Variants in NCMAP observed in about 807,000 individuals in gnomAD.
The protein encoded by NCMAP is noncompact myelin-associated protein.
Under a neutral mutation model 7.8 loss-of-function variants are expected in NCMAP, and 8 were observed. The ratio of observed to expected loss-of-function variants is 1.02; its 90% CI spans 0.60 to 1.84. NCMAP has a LOEUF of 1.84. Among genes scored for constraint, NCMAP ranks in the 40% most tolerant of loss-of-function variants. NCMAP has a pLI of 0.00. For synonymous variants in NCMAP, 41 were observed against 52.9 expected (o/e 0.78, Z 0.98); for missense variants, 112 against 131.4 (o/e 0.85, Z 0.72).
rs1382088755 is a variant in NCMAP at position 24,606,894 on chromosome 1, A to G, written c.*1147A>G. 1 of 152,210 alleles carries G rather than the reference A, an allele frequency of 6.6e-6. No individual in the cohort carries two copies. The highest frequency in any genetic ancestry group is 2.4e-5 in the African/African-American group (1 of 41,452). The allele number at this position is 152,210 out of a possible 1,614,324, so 9.4% of individuals were successfully genotyped here. The stretch of plus-strand genomic sequence containing the variant: ...ACACCTGCCTCATTGGGGCACTATA[A>G]CAAGTGAAGGACTTAGGAAAACATC... On this transcript the variant is annotated 3_prime_UTR_variant, in exon 4 of 4. Transcript: ENST00000374392.
chr1:24,605,764 A>C lies in NCMAP; in HGVS notation c.*17A>C, dbSNP rs1652704732. ...ACGCGATGACCTCTACCCTGGCGCT[A>C]TCTCCACCACTGTCCAAAGAGCCTC... On this transcript the variant is annotated 3_prime_UTR_variant, in exon 4 of 4. Transcript: ENST00000374392. 6.2e-7 allele frequency: 1 copy of C among 1,613,758 alleles called. No individual in the cohort carries two copies. The highest frequency in any genetic ancestry group is 8.5e-7 in the Non-Finnish European group (1 of 1,179,874).
rs542400615 is a variant in NCMAP at position 24,582,223 on chromosome 1, G to A, written c.-7-13201G>A. On this transcript the variant is annotated intron_variant, in intron 1 of 3. Coordinates refer to ENST00000374392, the MANE Select transcript of NCMAP (RefSeq NM_001010980.5). ...CGTGGTGCTTGGCCTGTGTGTCTGCGTGTAAAGGCAGTGTAGATGAAGCAG... is the reference window on the plus strand; with the variant it reads ...CGTGGTGCTTGGCCTGTGTGTCTGCATGTAAAGGCAGTGTAGATGAAGCAG... Among the ~76,000 whole-genome samples the A allele has an allele frequency of 5.3e-5, 8 of 152,272 alleles. No individual in the cohort carries two copies. The East Asian group carries it at 9.7e-4, about 18-fold the overall frequency.
intron 1 of NCMAP, among the ~76,000 whole-genome samples, chr1:24,568,954 A>G (rs995064937): frequency 3.3e-5 from 5 of 151,966 alleles, no homozygotes; most frequent in Admixed American, 1.3e-4. Context: ...AGCCCAGAGC[A>G]TGCTAGTTTC....
chr1:24,602,645 T>C (rs1420055388), intron 3 of NCMAP, among the ~76,000 whole-genome samples: 1 of 150,808 alleles, frequency 6.6e-6, no homozygotes, highest in East Asian at 1.9e-4. Flanking sequence ...GCTCTGCCTG[T>C]AACCCCAGCT....
intron 1 of NCMAP, among the ~76,000 whole-genome samples, chr1:24,561,475 A>C (rs9424385): frequency 0.74 from 112,411 of 151,916 alleles, 41,833 homozygotes; most frequent in Admixed American, 0.81. Flanking sequence ...TTTTTGTGGG[A>C]CCCTAAAAGT....
intron 2 of NCMAP, among the ~76,000 whole-genome samples, chr1:24,596,892 C>T (rs1294728712): frequency 2.6e-5 from 4 of 152,100 alleles, no homozygotes; most frequent in Non-Finnish European, 5.9e-5. Flanking sequence ...TAAGGAGACG[C>T]TTGGGTGTGT....
intron 1 of NCMAP, among the ~76,000 whole-genome samples, chr1:24,591,698 G>A (rs1164191790): frequency 2.6e-5 from 4 of 152,154 alleles, no homozygotes; most frequent in African/African-American, 9.7e-5. Flanking sequence ...GGGGAGGTCA[G>A]GCAGAGCCAC....
chr1:24,605,837 GCTT>G lies in NCMAP; in HGVS notation c.*96_*98del. ...ACACTCTCTGGCAGCTTCACAATGA[GCTT>G]CTTCTGGTCAGGTCGACAGAGACAT... On this transcript the variant is annotated 3_prime_UTR_variant, in exon 4 of 4. Coordinates refer to ENST00000374392, the MANE Select transcript of NCMAP (RefSeq NM_001010980.5). 6.8e-7 allele frequency: 1 copy of G among 1,479,650 alleles called. No individual in the cohort carries two copies. The highest frequency in any genetic ancestry group is 9.3e-7 in the Non-Finnish European group (1 of 1,076,990). The allele number at this position is 1,479,650 out of a possible 1,614,324, so 91.7% of individuals were successfully genotyped here.
In NCMAP at chr1:24,599,234, C is replaced by T. The variant is rs1470259277; in HGVS notation, c.83-1706C>T. ...GGCAGAGGATGCAGTGAGCTGAGAT[C>T]GTGCCACTGCACTCCAGCCTGGGCA... On this transcript the variant is annotated intron_variant, in intron 2 of 3. Coordinates refer to ENST00000374392, the MANE Select transcript of NCMAP (RefSeq NM_001010980.5). Among the ~76,000 whole-genome samples, 7 of 144,302 alleles carry T rather than the reference C, an allele frequency of 4.9e-5. No homozygotes were observed. In the East Asian group the frequency reaches 6.5e-4, roughly 13 times the overall value. 94.7% of individuals were successfully genotyped at this position (144,302 alleles called of 152,430 possible). A position where few individuals can be genotyped will look rare whatever the true frequency, so the allele number is the denominator to read the frequency against.
At chr1:24,574,781 A>G (rs1651495996) in intron 1 of NCMAP, among the ~76,000 whole-genome samples, 1 of 150,666 alleles carries the variant, frequency 6.6e-6, no homozygotes, top group African/African-American at 2.4e-5. Flanking sequence ...CACAGTAGAC[A>G]AGGCCCGCAA....
At chr1:24,596,294 A>G (rs566201467) in intron 2 of NCMAP, among the ~76,000 whole-genome samples, 1 of 152,090 alleles carries the variant, frequency 6.6e-6, no homozygotes, top group African/African-American at 2.4e-5. Context: ...TATTACTACT[A>G]CTACGATTGC....
At chr1:24,557,975 A>G (rs1192778521) in intron 1 of NCMAP, among the ~76,000 whole-genome samples, 3 of 152,192 alleles carry the variant, frequency 2.0e-5, no homozygotes, top group Non-Finnish European at 2.9e-5. Context: ...GACTATGGCC[A>G]TTCCTGCCTG....
intron 1 of NCMAP, among the ~76,000 whole-genome samples, chr1:24,557,461 G>A (rs1314692090): frequency 6.6e-6 from 1 of 152,152 alleles, no homozygotes; most frequent in Non-Finnish European, 1.5e-5. Context: ...GTGCGTGTGT[G>A]TGCGTGTGTG....
intron 1 of NCMAP, among the ~76,000 whole-genome samples, chr1:24,580,860 A>C (rs556436701): frequency 2.0e-5 from 3 of 152,254 alleles, no homozygotes; most frequent in African/African-American, 7.2e-5. Context: ...ATCAGCTTTA[A>C]TTGGTTTCCT....
At chr1:24,558,432 G>A (rs574936216) in intron 1 of NCMAP, among the ~76,000 whole-genome samples, 1 of 152,172 alleles carries the variant, frequency 6.6e-6, no homozygotes, top group African/African-American at 2.4e-5. Flanking sequence ...CACTGACCAT[G>A]AGCTTCTTGT....
intron 2 of NCMAP, among the ~76,000 whole-genome samples, chr1:24,599,534 T>C (rs377418494): frequency 4.2e-4 from 64 of 152,178 alleles, no homozygotes; most frequent in African/African-American, 1.4e-3. Flanking sequence ...AACAGAAAGA[T>C]GATTATGATA....
intron 1 of NCMAP, among the ~76,000 whole-genome samples, chr1:24,578,842 C>T (rs149641879): frequency 3.1e-4 from 47 of 152,274 alleles, no homozygotes; most frequent in African/African-American, 1.0e-3. Context: ...GCTGGGATTA[C>T]AGACAAGAGC....
rs1652525299 is a variant in NCMAP, at chr1:24,602,254, G to A, written c.167+1230G>A. On this transcript the variant is annotated intron_variant, in intron 3 of 3. Coordinates refer to ENST00000374392, the MANE Select transcript of NCMAP (RefSeq NM_001010980.5). Reference sequence around the variant, plus strand: ...TGATGGCATTGTTAGTTTTTGCTGGGAGGGGGATGTTCCTAATTTTTGAGG... The same window carrying A: ...TGATGGCATTGTTAGTTTTTGCTGGAAGGGGGATGTTCCTAATTTTTGAGG... Among the ~76,000 whole-genome samples the A allele has an allele frequency of 2.0e-5, 3 of 152,260 alleles. No individual in the cohort carries two copies. In the South Asian group the frequency reaches 6.2e-4, roughly 32 times the overall value.
chr1:24,577,141 A>AAAAAAT (rs927298482), intron 1 of NCMAP, among the ~76,000 whole-genome samples: 3 of 152,178 alleles, frequency 2.0e-5, no homozygotes, highest in Non-Finnish European at 4.4e-5. Flanking sequence ...TCCGTCTCAA[A>AAAAAAT]AAAAATAAAA....
Sources: allele counts gnomAD v4.1 joint callset (sites outside exome capture counted in the v4.1 genomes callset), GRCh38; gene constraint gnomAD v4.1.1; transcripts MANE v1.5; gene names NCBI Gene and HGNC (gene_info 2026-07-23, HGNC 2026-07-21).